Variants in RASSF9 observed in about 807,000 individuals in gnomAD.
The protein encoded by RASSF9 is ras association domain-containing protein 9.
A neutral mutation model predicts 21.4 loss-of-function variants in RASSF9; 18 were observed. The observed-to-expected ratio is 0.84, with a 90% CI of 0.58 to 1.25. The LOEUF (loss-of-function observed/expected upper bound fraction) is 1.25. Among genes scored for constraint, RASSF9 ranks in the 50% most tolerant of loss-of-function variants. The probability of loss-of-function intolerance (pLI) is 0.00; values close to 1 mark genes in which losing one functional copy is unlikely to be tolerated. For synonymous variants in RASSF9, 183 were observed against 179.1 expected (o/e 1.02, Z -0.18); for missense variants, 480 against 503.2 (o/e 0.95, Z 0.44).
rs140094726 is a variant in RASSF9, at chr12:85,807,109, G to C, written c.48-1147C>G. ...GGACTATTTTACTTAAAGTGCTTAG[G>C]ACAGTCTTCCCCAAGGAGGTGACAT... On this transcript the variant is annotated intron_variant, in intron 1 of 1. Transcript: ENST00000361228. 2.5e-3 allele frequency among the ~76,000 whole-genome samples: 381 copies of C among 152,204 alleles called. 1 individual carries two copies. The highest frequency in any genetic ancestry group is 8.0e-3 in the African/African-American group (334 of 41,524).
intron 1 of RASSF9, among the ~76,000 whole-genome samples, chr12:85,818,784 C>A (rs1880136395): frequency 1.3e-5 from 2 of 151,852 alleles, no homozygotes; most frequent in South Asian, 4.2e-4. Context: ...CATGGTGAAA[C>A]CTCGTCTCTA....
At chr12:85,820,792 T>C (rs1319675939) in intron 1 of RASSF9, among the ~76,000 whole-genome samples, 1 of 152,186 alleles carries the variant, frequency 6.6e-6, no homozygotes, top group Non-Finnish European at 1.5e-5. Context: ...AGAGAATTGT[T>C]CAATTTATTT....
In RASSF9 at chr12:85,836,285, G is replaced by C. The variant is rs1880562995; in HGVS notation, c.-84C>G. 1.2e-5 allele frequency: 18 copies of C among 1,529,724 alleles called. No individual in the cohort carries two copies. The highest frequency in any genetic ancestry group is 1.4e-5 in the African/African-American group (1 of 72,524). 94.8% of individuals were successfully genotyped at this position (1,529,724 alleles called of 1,614,324 possible). A position where few individuals can be genotyped will look rare whatever the true frequency, so the allele number is the denominator to read the frequency against. ...GGGTGTCTGGATTTCCAGGGTGAAG[G>C]GAGGAGGGCTGGAAGCTTTCTCTTC... On this transcript the variant is annotated 5_prime_UTR_variant, in exon 1 of 2. Coordinates refer to ENST00000361228, the MANE Select transcript of RASSF9 (RefSeq NM_005447.4).
In RASSF9 at chr12:85,829,503, A is replaced by T. The variant is rs561239861; in HGVS notation, c.47+6652T>A. On this transcript the variant is annotated intron_variant, in intron 1 of 1. Transcript: ENST00000361228. ...GTTTTCCACCAACTCAACTAAGATTATGGATTGCCAAACTGACCATATTAC... is the reference window on the plus strand; with the variant it reads ...GTTTTCCACCAACTCAACTAAGATTTTGGATTGCCAAACTGACCATATTAC... Among the ~76,000 whole-genome samples, 1,501 of 152,244 alleles carry T rather than the reference A, an allele frequency of 9.9e-3. 28 individuals are homozygous for T. Among genetic ancestry groups the T allele is most frequent in the African/African-American group, 0.034 (1,412 of 41,554 alleles).
chr12:85,815,655 C>T (rs891112349), intron 1 of RASSF9, among the ~76,000 whole-genome samples: 4 of 152,026 alleles, frequency 2.6e-5, no homozygotes, highest in African/African-American at 9.7e-5. Context: ...GAGATGGTAT[C>T]TCACTGTTGT....
chr12:85,819,658 A>G (rs1377623183), intron 1 of RASSF9, among the ~76,000 whole-genome samples: 1 of 152,164 alleles, frequency 6.6e-6, no homozygotes, highest in East Asian at 1.9e-4. Flanking sequence ...TCTACATAAC[A>G]CACCCAAATC....
chr12:85,801,768 T>A lies in RASSF9; in HGVS notation c.*2934A>T, dbSNP rs372504615. 10 of 151,944 alleles carry A rather than the reference T, an allele frequency of 6.6e-5. 1 individual carries two copies. The highest frequency in any genetic ancestry group is 2.4e-4 in the African/African-American group (10 of 41,300). The allele number at this position is 151,944 out of a possible 1,614,324, so 9.4% of individuals were successfully genotyped here. A position where few individuals can be genotyped will look rare whatever the true frequency, so the allele number is the denominator to read the frequency against. ...AGGCGGAGCTTGCAGTGAGCCAAGA[T>A]CGCGCCACTGCACTCCAGCCTGGGC... is the stretch of plus-strand genomic sequence containing the variant. On this transcript the variant is annotated 3_prime_UTR_variant, in exon 2 of 2. Transcript: ENST00000361228.
At chr12:85,819,250 T>C (rs1302320894) in intron 1 of RASSF9, among the ~76,000 whole-genome samples, 2 of 152,026 alleles carry the variant, frequency 1.3e-5, no homozygotes, top group Non-Finnish European at 2.9e-5. Flanking sequence ...TCTCACTATG[T>C]TGCTGGAGCT....
chr12:85,831,183 A>C (rs1412256709), intron 1 of RASSF9, among the ~76,000 whole-genome samples: 2 of 152,048 alleles, frequency 1.3e-5, no homozygotes, highest in African/African-American at 2.4e-5. Flanking sequence ...CTATCAAAAG[A>C]ATAGAGCCAC....
intron 1 of RASSF9, among the ~76,000 whole-genome samples, chr12:85,818,788 G>A (rs924115807): frequency 5.9e-5 from 9 of 151,344 alleles, no homozygotes; most frequent in Non-Finnish European, 1.3e-4. Context: ...GTGAAACCTC[G>A]TCTCTACTAA....
intron 1 of RASSF9, among the ~76,000 whole-genome samples, chr12:85,814,331 T>G (rs1880016451): frequency 6.6e-6 from 1 of 152,066 alleles, no homozygotes; most frequent in African/African-American, 2.4e-5. Context: ...TGACACACCC[T>G]GTTCCAGATT....
Position 85,804,642 on chromosome 12 carries a change from T to C in RASSF9, c.*60A>G. On this transcript the variant is annotated 3_prime_UTR_variant, in exon 2 of 2. Transcript: ENST00000361228. ...TTGAGTGTTATATTTAAAATGAGGT[T>C]TCCTATTAAATTAAACAAACATTAA... 7.1e-7 allele frequency: 1 copy of C among 1,417,738 alleles called. No homozygotes were observed. Among genetic ancestry groups the C allele is most frequent in the Non-Finnish European group, 9.5e-7 (1 of 1,054,580 alleles). 87.8% of individuals were successfully genotyped at this position (1,417,738 alleles called of 1,614,324 possible). A position where few individuals can be genotyped will look rare whatever the true frequency, so the allele number is the denominator to read the frequency against.
At chr12:85,826,873 T>TA (rs1565757025) in intron 1 of RASSF9, among the ~76,000 whole-genome samples, 1 of 152,202 alleles carries the variant, frequency 6.6e-6, no homozygotes. Flanking sequence ...AAATTAAATT[T>TA]AAAAAATAAA....
intron 1 of RASSF9, among the ~76,000 whole-genome samples, chr12:85,817,513 G>T (rs906589139): frequency 2.0e-5 from 3 of 151,604 alleles, no homozygotes; most frequent in Non-Finnish European, 2.9e-5. Flanking sequence ...GAGAAAATTG[G>T]GTAAGAATAA....
At chr12:85,833,469 A>G (rs1034980447) in intron 1 of RASSF9, among the ~76,000 whole-genome samples, 1 of 151,914 alleles carries the variant, frequency 6.6e-6, no homozygotes, top group Non-Finnish European at 1.5e-5. Flanking sequence ...TGAAGTTTTA[A>G]TTGCATCCTG....
rs1175473632 is a variant in RASSF9 at position 85,805,506 on chromosome 12, C to T, written c.504G>A (p.Leu168=). Residue 168 remains leucine, a synonymous_variant, in exon 2 of 2, where the codon CTG becomes CTA. Transcript: ENST00000361228. ...KRIVRKTFRK[L]AKIKQDTVSH... is the part of the protein sequence containing the mutation. ...AAACTGTGTCCTGCTTAATTTTAGCCAGTTTCCGGAAAGTTTTCCTGACTA... is the reference window on the plus strand; with the variant it reads ...AAACTGTGTCCTGCTTAATTTTAGCTAGTTTCCGGAAAGTTTTCCTGACTA... 1 of 1,613,908 alleles carries T rather than the reference C, an allele frequency of 6.2e-7. No homozygotes were observed. The highest frequency in any genetic ancestry group is 8.5e-7 in the Non-Finnish European group (1 of 1,179,876).
In RASSF9 at chr12:85,836,166, C is replaced by G. The variant is rs1378048509; in HGVS notation, c.36G>C (p.Arg12=). The G allele has an allele frequency of 1.6e-5, 25 of 1,549,912 alleles. No homozygotes were observed. The highest frequency in any genetic ancestry group is 2.1e-5 in the Non-Finnish European group (24 of 1,146,584). The change falls in exon 1 of 2, where the codon CGG becomes CGC. Residue 12 remains arginine (R), a synonymous_variant. Transcript: ENST00000361228. Reference sequence around the variant, plus strand: ...ACGCTTGACTTTACCTGTTTTTATGCCGAGTCTTTAGCAAGTTTCTTCCAA... The same window carrying G: ...ACGCTTGACTTTACCTGTTTTTATGGCGAGTCTTTAGCAAGTTTCTTCCAA... The part of the protein sequence containing the change: ...APFGRNLLKT[R]HKNRSPTKDM...
intron 1 of RASSF9, among the ~76,000 whole-genome samples, chr12:85,832,499 A>G (rs915713437): frequency 6.6e-6 from 1 of 151,926 alleles, no homozygotes; most frequent in Non-Finnish European, 1.5e-5. Context: ...TGAAAACCTA[A>G]TCTAATATAA....
At chr12:85,808,546 A>G (rs1879884790) in intron 1 of RASSF9, among the ~76,000 whole-genome samples, 1 of 152,102 alleles carries the variant, frequency 6.6e-6, no homozygotes, top group Non-Finnish European at 1.5e-5. Context: ...GAGATATAAG[A>G]CACAAATACT....
Sources: gnomAD v4.1 joint callset for allele counts (sites outside exome capture counted in the v4.1 genomes callset) on GRCh38, gnomAD v4.1.1 for gene constraint, MANE v1.5 for transcripts, NCBI Gene and HGNC (gene_info 2026-07-23, HGNC 2026-07-21) for gene names.